The following ZNF479 variants were observed in gnomAD, a reference collection of about 807,000 sequenced individuals.
The protein encoded by ZNF479 is KRAB zinc finger protein KR19.
ZNF479 carries 15 observed loss-of-function variants against 14.7 expected under a neutral mutation model. The observed-to-expected ratio is 1.02, with a 90% CI of 0.68 to 1.57. The LOEUF is 1.57. Among genes scored for constraint, ZNF479 ranks in the 40% most tolerant of loss-of-function variants. The pLI is 0.00. For synonymous variants in ZNF479, 145 were observed against 211.5 expected (o/e 0.69, Z 2.73); for missense variants, 506 against 615.1 (o/e 0.82, Z 1.88).
At position 57,117,691 on chromosome 7, in the gene ZNF479, A is replaced by G. The variant is rs1390967275; in HGVS notation, c.*2149T>C. Among the ~76,000 whole-genome samples the G allele has an allele frequency of 7.2e-5, 11 of 152,264 alleles. No individual in the cohort carries two copies. The highest frequency in any genetic ancestry group is 2.4e-4 in the African/African-American group (10 of 41,472). On this transcript the variant is annotated 3_prime_UTR_variant, in exon 4 of 4. Coordinates refer to ENST00000319636, the MANE Select transcript of ZNF479 (RefSeq NM_001370129.2). ...ACACATAATCTTTAAAAAATTTTTA[A>G]ATTTATTGCATTTTATTACATAAAC...
intron 3 of ZNF479, among the ~76,000 whole-genome samples, chr7:57,121,456 G>A (rs1554400617): frequency 6.6e-6 from 1 of 152,168 alleles, no homozygotes; most frequent in Admixed American, 6.5e-5. Context: ...CCCAGTAGAA[G>A]AACATAGTGC....
In ZNF479 at chr7:57,126,599, G is replaced by A; in HGVS notation, c.159C>T (p.Val53=). Residue 53 remains valine, a synonymous_variant, in exon 2 of 4, where the codon GTC becomes GTT. Coordinates refer to ENST00000319636, the MANE Select transcript of ZNF479 (RefSeq NM_001370129.2). The part of the protein sequence containing the change: ...DVMLENYRNL[V]SLGIAVSKPD... ...TACTGAAGTTATCCTCACCCAGGGA[G>A]ACCAGGTTTCTGTAGTTCTCTAACA... The A allele has an allele frequency of 6.2e-7, 1 of 1,613,352 alleles. No homozygotes were observed. The highest frequency in any genetic ancestry group is 8.5e-7 in the Non-Finnish European group (1 of 1,179,802).
At chr7:57,132,164 G>A in intron 1 of ZNF479, 122 bp downstream of exon 1, 2 of 1,570,078 alleles carry the variant, frequency 1.3e-6, no homozygotes, top group South Asian at 1.1e-5. Context: ...CTGGGCCAAA[G>A]AGGATTTGGG....
chr7:57,125,747 T>A (rs189070423), intron 3 of ZNF479, among the ~76,000 whole-genome samples: 4,581 of 152,196 alleles, frequency 0.03, 98 homozygotes, highest in African/African-American at 0.065. Flanking sequence ...AGCAGTCAGT[T>A]TGCGCAGTCC....
rs1175776900 is a variant in ZNF479 at position 57,120,306 on chromosome 7, C to G, written c.1109G>C (p.Arg370Thr). 6.8e-6 allele frequency: 11 copies of G among 1,608,254 alleles called. No homozygotes were observed. Among genetic ancestry groups the G allele is most frequent in the Non-Finnish European group, 9.3e-6 (11 of 1,177,070 alleles). Residue 370 changes from arginine to threonine, a missense_variant, in exon 4 of 4, where the codon AGA becomes ACA. Transcript: ENST00000319636. ...CTCTCCAGTATGAATTCTCCTATGT[C>G]TCATAAGGTTCGAGGATAAGCTAAA... ...QAFSLSSNLM[R>T]HRRIHTGEKP...
intron 1 of ZNF479, among the ~76,000 whole-genome samples, chr7:57,131,291 G>A (rs993610637): frequency 2.6e-5 from 4 of 151,976 alleles, no homozygotes; most frequent in East Asian, 1.9e-4. Flanking sequence ...AGCTGGGTGC[G>A]GTGGCTCACA....
chr7:57,125,522 TTAAAAAATTTG>T (rs1459888641), intron 3 of ZNF479, among the ~76,000 whole-genome samples: 3 of 151,170 alleles, frequency 2.0e-5, no homozygotes, highest in East Asian at 3.9e-4. Context: ...ATATAAAAAA[TTAAAAAATTTG>T]TAAAAAATTT....
chr7:57,125,149 G>A (rs1427795687), intron 3 of ZNF479, among the ~76,000 whole-genome samples: 1 of 152,096 alleles, frequency 6.6e-6, no homozygotes, highest in South Asian at 2.1e-4. Context: ...GCATTTGAAA[G>A]GTTGCACAAA....
intron 1 of ZNF479, among the ~76,000 whole-genome samples, chr7:57,137,542 A>G (rs549558005): frequency 3.0e-4 from 46 of 152,348 alleles, no homozygotes; most frequent in African/African-American, 1.1e-3. Flanking sequence ...AGGAGGTGCC[A>G]CAATAGGCAT....
At chr7:57,134,665 CTTTTTTTTT>C (rs71053216), upstream of ZNF479, among the ~76,000 whole-genome samples, 6 of 106,500 alleles carry the variant, frequency 5.6e-5, 1 homozygote, top group South Asian at 7.6e-4. Flanking sequence ...TTTCTTCTAT[CTTTTTTTTT>C]TTTTTTTTTT....
At chr7:57,131,714 A>G (rs988867285) in intron 1 of ZNF479, among the ~76,000 whole-genome samples, 1 of 149,530 alleles carries the variant, frequency 6.7e-6, no homozygotes, top group Non-Finnish European at 1.5e-5. Context: ...AAATAAGGAA[A>G]CTACATAACT....
At chr7:57,122,082 G>A (rs1785979847) in intron 3 of ZNF479, among the ~76,000 whole-genome samples, 1 of 151,940 alleles carries the variant, frequency 6.6e-6, no homozygotes, top group Non-Finnish European at 1.5e-5. Flanking sequence ...TACACAAAAA[G>A]ATCCGCAACA....
At chr7:57,138,716 G>A (rs553357015) in intron 1 of ZNF479, among the ~76,000 whole-genome samples, 1 of 152,180 alleles carries the variant, frequency 6.6e-6, no homozygotes, top group Non-Finnish European at 1.5e-5. Context: ...GCCCTCAGAT[G>A]GTACAGAGAG....
intron 1 of ZNF479, among the ~76,000 whole-genome samples, chr7:57,128,439 G>T (rs1430576030): frequency 1.3e-5 from 2 of 152,142 alleles, no homozygotes; most frequent in Non-Finnish European, 2.9e-5. Flanking sequence ...ACACTGTCCT[G>T]CATGGAACTA....
intron 1 of ZNF479, among the ~76,000 whole-genome samples, chr7:57,129,038 G>A (rs2115884623): frequency 6.6e-6 from 1 of 152,186 alleles, no homozygotes; most frequent in Non-Finnish European, 1.5e-5. Context: ...ACCCATTTTT[G>A]TTGTTTATAA....
chr7:57,118,718 A>G lies in ZNF479; in HGVS notation c.*1122T>C, dbSNP rs1157129151. Among the ~76,000 whole-genome samples, 4 of 152,172 alleles carry G rather than the reference A, an allele frequency of 2.6e-5. No individual in the cohort carries two copies. The highest frequency in any genetic ancestry group is 9.7e-5 in the African/African-American group (4 of 41,444). On this transcript the variant is annotated 3_prime_UTR_variant, in exon 4 of 4. Transcript: ENST00000319636. The stretch of plus-strand genomic sequence containing the variant: ...ACTTTCTGATATTGAGTAAGATGTG[A>G]CCTGATATTAATGGTTTTTCACATT...
At chr7:57,124,951 A>C (rs1786092485) in intron 3 of ZNF479, among the ~76,000 whole-genome samples, 1 of 152,072 alleles carries the variant, frequency 6.6e-6, no homozygotes, top group Non-Finnish European at 1.5e-5. Flanking sequence ...CACATCCCTG[A>C]TCCCAGCTAC....
rs111453596 is a variant in ZNF479, at chr7:57,124,435, G to C, written c.262+1583C>G. Among the ~76,000 whole-genome samples the C allele has an allele frequency of 8.9e-3, 1,353 of 152,130 alleles. 30 individuals are homozygous for C. The highest frequency in any genetic ancestry group is 0.031 in the African/African-American group (1,298 of 41,502). On this transcript the variant is annotated intron_variant, in intron 3 of 3. Transcript: ENST00000319636. ...CTACATTGAAAAAATGAAGTTGAAT[G>C]GTTTAATTGCATCACATACAAAAAA...
At chr7:57,135,875 GC>G (rs374407517), upstream of ZNF479, among the ~76,000 whole-genome samples, 538 of 152,190 alleles carry the variant, frequency 3.5e-3, 4 homozygotes, top group Middle Eastern at 0.01. Flanking sequence ...CCAACAAGCA[GC>G]CACCTAAACT....
Sources: gnomAD v4.1 joint callset for allele counts (sites outside exome capture counted in the v4.1 genomes callset) on GRCh38, gnomAD v4.1.1 for gene constraint, MANE v1.5 for transcripts, NCBI Gene and HGNC (gene_info 2026-07-23, HGNC 2026-07-21) for gene names.